Variants in KRTAP1-3 observed in about 807,000 individuals in gnomAD.
KRTAP1-3 encodes keratin-associated protein 1-3.
A neutral mutation model predicts 11.8 loss-of-function variants in KRTAP1-3; 10 were observed. The ratio of observed to expected loss-of-function variants is 0.85; its 90% CI spans 0.52 to 1.44. KRTAP1-3 has a LOEUF of 1.44. KRTAP1-3 is among the 40% of genes most tolerant of loss of function. The probability of loss-of-function intolerance (pLI) is 0.00; values close to 1 mark genes in which losing one functional copy is unlikely to be tolerated. For synonymous variants in KRTAP1-3, 74 were observed against 77.3 expected (o/e 0.96, Z 0.23); for missense variants, 176 against 217.2 (o/e 0.81, Z 1.19).
rs2012534995 is a variant in KRTAP1-3 at position 41,034,802 on chromosome 17, C to G, written c.20G>C (p.Ser7Thr). The G allele has an allele frequency of 1.9e-6, 3 of 1,613,924 alleles. No homozygotes were observed. The highest frequency in any genetic ancestry group is 2.2e-5 in the East Asian group (1 of 44,880). MTCCQTSFCGYPSCSTS... is the reference protein window; with the variant it reads MTCCQTTFCGYPSCSTS... ...GGAGCAGCTGGGATATCCACAGAAG[C>G]TGGTCTGGCAGCAGGTCATGGTGTT... is the stretch of plus-strand genomic sequence containing the variant. Residue 7 changes from serine (S) to threonine (T), a missense_variant, in exon 1 of 1, where the codon AGC becomes ACC. By Grantham distance (58) the Ser-to-Thr change is moderately conservative. Coordinates refer to ENST00000344363, the MANE Select transcript of KRTAP1-3 (RefSeq NM_030966.2).
At position 41,034,135 on chromosome 17, in the gene KRTAP1-3, A is replaced by C. The variant is rs530213374; in HGVS notation, c.*183T>G. 9.7e-6 allele frequency: 8 copies of C among 823,318 alleles called. No individual in the cohort carries two copies. In the South Asian group the frequency reaches 2.0e-4, roughly 21 times the overall value. The allele number at this position is 823,318 out of a possible 1,614,324, so 51.0% of individuals were successfully genotyped here. On this transcript the variant is annotated 3_prime_UTR_variant, in exon 1 of 1. Transcript: ENST00000344363. ...TTTTGGCGTCCTCAGAGAGAAGAGTAAGGTCTTTCTGGAATTGAAAGGAAT... is the reference window on the plus strand; with the variant it reads ...TTTTGGCGTCCTCAGAGAGAAGAGTCAGGTCTTTCTGGAATTGAAAGGAAT...
Position 41,034,042 on chromosome 17 carries a change from G to A in KRTAP1-3, c.*276C>T. ...GTCGGCGCTGAGACTCAGAGCGTGG[G>A]CTTCAATGCTTGCAAAGGCTCAGTT... On this transcript the variant is annotated 3_prime_UTR_variant, in exon 1 of 1. Transcript: ENST00000344363. 2.1e-6 allele frequency: 1 copy of A among 478,520 alleles called. No individual in the cohort carries two copies. Among genetic ancestry groups the A allele is most frequent in the Non-Finnish European group, 3.6e-6 (1 of 278,288 alleles). The allele number at this position is 478,520 out of a possible 1,614,324, so 29.6% of individuals were successfully genotyped here. A position where few individuals can be genotyped will look rare whatever the true frequency, so the allele number is the denominator to read the frequency against.
chr17:41,034,624 A>G lies in KRTAP1-3; in HGVS notation c.198T>C (p.Cys66=), dbSNP rs2012526136. The G allele has an allele frequency of 6.2e-7, 1 of 1,613,400 alleles. No homozygotes were observed. The highest frequency in any genetic ancestry group is 8.5e-7 in the Non-Finnish European group (1 of 1,179,872). Residue 66 remains cysteine, a synonymous_variant, in exon 1 of 1, where the codon TGT becomes TGC. Transcript: ENST00000344363. ...AGCTTGGCTGGCAGCAGCTGGTCTCACAGCAGCTTGGCTGGCAGCAACTGG... is the reference window on the plus strand; with the variant it reads ...AGCTTGGCTGGCAGCAGCTGGTCTCGCAGCAGCTTGGCTGGCAGCAACTGG... ...CSSSCCQPSC[C]ETSCCQPSCC...
rs140828985 is a variant in KRTAP1-3 at position 41,034,687 on chromosome 17, G to T, written c.135C>A (p.Cys45Ter). Residue 45 changes from cysteine to a stop codon, truncating the protein, a stop_gained, in exon 1 of 1, where the codon TGC (cysteine) becomes TGA (stop). Transcript: ENST00000344363. LOFTEE classifies it high-confidence loss of function. ...CQPSCCQTSFCGFPSFSTSGT... is the reference protein window; with the variant it reads ...CQPSCCQTSF Reference sequence around the variant, plus strand: ...CACTAGTTGAGAAGCTAGGAAATCCGCAGAAGCTGGTCTGGCAGCAGCTTG... The same window carrying T: ...CACTAGTTGAGAAGCTAGGAAATCCTCAGAAGCTGGTCTGGCAGCAGCTTG... The T allele has an allele frequency of 6.7e-7, 1 of 1,482,472 alleles. No individual in the cohort carries two copies. Among genetic ancestry groups the T allele is most frequent in the Admixed American group, 1.9e-5 (1 of 52,160 alleles). 91.8% of individuals were successfully genotyped at this position (1,482,472 alleles called of 1,614,324 possible).
Position 41,034,136 on chromosome 17 carries a change from A to C in KRTAP1-3, c.*182T>G, listed in dbSNP as rs1171752669. The C allele has an allele frequency of 1.8e-5, 15 of 829,162 alleles. No homozygotes were observed. Among genetic ancestry groups the C allele is most frequent in the Non-Finnish European group, 2.5e-5 (14 of 558,296 alleles). 51.4% of individuals were successfully genotyped at this position (829,162 alleles called of 1,614,324 possible). ...TTTGGCGTCCTCAGAGAGAAGAGTA[A>C]GGTCTTTCTGGAATTGAAAGGAATC... On this transcript the variant is annotated 3_prime_UTR_variant, in exon 1 of 1. Coordinates refer to ENST00000344363, the MANE Select transcript of KRTAP1-3 (RefSeq NM_030966.2).
At position 41,034,325 on chromosome 17, in the gene KRTAP1-3, G is replaced by A. The variant is rs2012512828; in HGVS notation, c.497C>T (p.Thr166Ile). The A allele has an allele frequency of 3.2e-6, 5 of 1,555,758 alleles. No individual in the cohort carries two copies. The highest frequency in any genetic ancestry group is 3.5e-4 in the Middle Eastern group (2 of 5,768). Residue 166 changes from threonine to isoleucine, a missense_variant, in exon 1 of 1, where the codon ACC becomes ATC. Transcript: ENST00000344363. ...PVCCCYSCEP[T>I]C ...AAATCAGCAAACTGGCTTTTAGCAG[G>A]TGGGCTCACAGGAGTAGCAGCAGCA...
In KRTAP1-3 at chr17:41,034,752, A is replaced by G. The variant is rs1406750824; in HGVS notation, c.70T>C (p.Cys24Arg). Reference sequence around the variant, plus strand: ...GTCTCACAGCAGCTTGGCTGGCAGCAGCTGGAGCCGCATGTCCCACTGGTG... The same window carrying G: ...GTCTCACAGCAGCTTGGCTGGCAGCGGCTGGAGCCGCATGTCCCACTGGTG... ...CSTSGTCGSS[C>R]CQPSCCETSC... Residue 24 changes from cysteine (C) to arginine (R), a missense_variant, in exon 1 of 1, where the codon TGC becomes CGC. Coordinates refer to ENST00000344363, the MANE Select transcript of KRTAP1-3 (RefSeq NM_030966.2). The G allele has an allele frequency of 4.3e-6, 7 of 1,609,952 alleles. No homozygotes were observed. Among genetic ancestry groups the G allele is most frequent in the Non-Finnish European group, 5.9e-6 (7 of 1,178,152 alleles).
Position 41,034,493 on chromosome 17 carries a change from C to G in KRTAP1-3, c.329G>C (p.Arg110Pro), listed in dbSNP as rs201127461. The part of the protein sequence containing the change: ...GAVSTRIRWC[R>P]PDCRVEGTCL... Reference sequence around the variant, plus strand: ...GGTACCCTCCACACGGCAGTCTGGGCGGCACCACCTGATACGGGTGCTCAC... The same window carrying G: ...GGTACCCTCCACACGGCAGTCTGGGGGGCACCACCTGATACGGGTGCTCAC... The change falls in exon 1 of 1, where the codon CGC becomes CCC. Residue 110 changes from arginine (R) to proline (P), a missense_variant. Arg to Pro is a moderately radical substitution (Grantham distance 103). Transcript: ENST00000344363. The G allele has an allele frequency of 2.5e-6, 4 of 1,613,178 alleles. No individual in the cohort carries two copies. Among genetic ancestry groups the G allele is most frequent in the Non-Finnish European group, 3.4e-6 (4 of 1,179,974 alleles).
chr17:41,034,330 C>T lies in KRTAP1-3; in HGVS notation c.492G>A (p.Glu164=), dbSNP rs1408075775. 4 of 1,572,980 alleles carry T rather than the reference C, an allele frequency of 2.5e-6. No individual in the cohort carries two copies. Among genetic ancestry groups the T allele is most frequent in the Non-Finnish European group, 3.5e-6 (4 of 1,156,370 alleles). The part of the protein sequence containing the change: ...CRPVCCCYSC[E]PTC ...AGCAAACTGGCTTTTAGCAGGTGGG[C>T]TCACAGGAGTAGCAGCAGCAGACTG... The change falls in exon 1 of 1, where the codon GAG becomes GAA. Residue 164 remains glutamate (E), a synonymous_variant. Coordinates refer to ENST00000344363, the MANE Select transcript of KRTAP1-3 (RefSeq NM_030966.2).
rs1274608406 is a variant in KRTAP1-3 at position 41,034,062 on chromosome 17, TCA to T, written c.*254_*255del. The T allele has an allele frequency of 2.1e-5, 11 of 530,168 alleles. No individual in the cohort carries two copies. Among genetic ancestry groups the T allele is most frequent in the Admixed American group, 3.7e-5 (1 of 26,882 alleles). The allele number at this position is 530,168 out of a possible 1,614,324, so 32.8% of individuals were successfully genotyped here. A position where few individuals can be genotyped will look rare whatever the true frequency, so the allele number is the denominator to read the frequency against. ...CGTGGGCTTCAATGCTTGCAAAGGC[TCA>T]GTTTCAAGGTAAATCGGCTTTTTCA... On this transcript the variant is annotated 3_prime_UTR_variant, in exon 1 of 1. Coordinates refer to ENST00000344363, the MANE Select transcript of KRTAP1-3 (RefSeq NM_030966.2).
Position 41,034,004 on chromosome 17 carries a change from C to A in KRTAP1-3, c.*314G>T. The A allele has an allele frequency of 2.7e-6, 1 of 367,676 alleles. No individual in the cohort carries two copies. The highest frequency in any genetic ancestry group is 4.8e-6 in the Non-Finnish European group (1 of 206,514). The allele number at this position is 367,676 out of a possible 1,614,324, so 22.8% of individuals were successfully genotyped here. On this transcript the variant is annotated 3_prime_UTR_variant, in exon 1 of 1. Transcript: ENST00000344363. ...AGTGTCCTGAGAAGGACAGATGGCT[C>A]TTCCATGGTCTCGTCGGCGCTGAGA... is the stretch of plus-strand genomic sequence containing the variant.
chr17:41,034,462 C>A lies in KRTAP1-3; in HGVS notation c.360G>T (p.Leu120=), dbSNP rs763809441. ...RPDCRVEGTC[L]PPCCVVSCTP... is the part of the protein sequence containing the mutation. The stretch of plus-strand genomic sequence containing the variant: ...TGCAGCTCACCACACAGCAGGGGGG[C>A]AGGCAGGTACCCTCCACACGGCAGT... The change falls in exon 1 of 1, where the codon CTG becomes CTT. Residue 120 remains leucine, a synonymous_variant. Transcript: ENST00000344363. 1.2e-6 allele frequency: 2 copies of A among 1,613,642 alleles called. No homozygotes were observed. Among genetic ancestry groups the A allele is most frequent in the Non-Finnish European group, 1.7e-6 (2 of 1,180,008 alleles).
Position 41,034,352 on chromosome 17 carries a change from A to T in KRTAP1-3, c.470T>A (p.Val157Asp), listed in dbSNP as rs762134724. 2 of 1,587,138 alleles carry T rather than the reference A, an allele frequency of 1.3e-6. No individual in the cohort carries two copies. The highest frequency in any genetic ancestry group is 1.7e-6 in the Non-Finnish European group (2 of 1,163,730). ...SYCGQSCCRP[V>D]CCCYSCEPTC ...GGGCTCACAGGAGTAGCAGCAGCAG[A>T]CTGGGCGGCAGCAGGACTGTCCACA... Residue 157 changes from valine (V) to aspartate (D), a missense_variant, in exon 1 of 1, where the codon GTC (valine) becomes GAC (aspartate). By Grantham distance (152) the Val-to-Asp change is radical. Transcript: ENST00000344363.
rs2012525057 is a variant in KRTAP1-3, at chr17:41,034,600, G to C, written c.222C>G (p.Ser74Arg). The C allele has an allele frequency of 1.9e-6, 3 of 1,613,132 alleles. No homozygotes were observed. The highest frequency in any genetic ancestry group is 2.5e-6 in the Non-Finnish European group (3 of 1,179,796). The change falls in exon 1 of 1, where the codon AGC (serine) becomes AGG (arginine). Residue 74 changes from serine (S) to arginine (R), a missense_variant. Coordinates refer to ENST00000344363, the MANE Select transcript of KRTAP1-3 (RefSeq NM_030966.2). ...SCCETSCCQP[S>R]CCQTSSCGTG... ...TTCCGCAGGAGCTGGTCTGGCAGCAGCTTGGCTGGCAGCAGCTGGTCTCAC... is the reference window on the plus strand; with the variant it reads ...TTCCGCAGGAGCTGGTCTGGCAGCACCTTGGCTGGCAGCAGCTGGTCTCAC...
chr17:41,034,483 G>T lies in KRTAP1-3; in HGVS notation c.339C>A (p.Cys113Ter). 1 of 1,613,472 alleles carries T rather than the reference G, an allele frequency of 6.2e-7. No individual in the cohort carries two copies. Among genetic ancestry groups the T allele is most frequent in the Non-Finnish European group, 8.5e-7 (1 of 1,180,004 alleles). ...GGGGCAGGCAGGTACCCTCCACACGGCAGTCTGGGCGGCACCACCTGATAC... is the reference window on the plus strand; with the variant it reads ...GGGGCAGGCAGGTACCCTCCACACGTCAGTCTGGGCGGCACCACCTGATAC... ...STRIRWCRPD[C>*]RVEGTCLPPC... is the part of the protein sequence containing the mutation. Residue 113 changes from cysteine to a stop codon, truncating the protein, a stop_gained, in exon 1 of 1, where the codon TGC becomes TGA. Coordinates refer to ENST00000344363, the MANE Select transcript of KRTAP1-3 (RefSeq NM_030966.2). LOFTEE classifies it high-confidence loss of function.
chr17:41,034,163 G>T lies in KRTAP1-3; in HGVS notation c.*155C>A, dbSNP rs1193657214. The T allele has an allele frequency of 1.6e-5, 16 of 1,025,832 alleles. No homozygotes were observed. The highest frequency in any genetic ancestry group is 2.1e-5 in the Non-Finnish European group (15 of 724,950). The allele number at this position is 1,025,832 out of a possible 1,614,324, so 63.5% of individuals were successfully genotyped here. On this transcript the variant is annotated 3_prime_UTR_variant, in exon 1 of 1. Coordinates refer to ENST00000344363, the MANE Select transcript of KRTAP1-3 (RefSeq NM_030966.2). ...GTCTTTCTGGAATTGAAAGGAATCA[G>T]ATAATTCTGAGGCCAAAATATTTGG...
chr17:41,034,478 A>C lies in KRTAP1-3; in HGVS notation c.344T>G (p.Val115Gly). ...RIRWCRPDCR[V>G]EGTCLPPCCV... is the part of the protein sequence containing the mutation. ...GCAGGGGGGCAGGCAGGTACCCTCC[A>C]CACGGCAGTCTGGGCGGCACCACCT... The change falls in exon 1 of 1, where the codon GTG becomes GGG. Residue 115 changes from valine (V) to glycine (G), a missense_variant. Val to Gly is a moderately radical substitution (Grantham distance 109). Coordinates refer to ENST00000344363, the MANE Select transcript of KRTAP1-3 (RefSeq NM_030966.2). 2 of 1,613,616 alleles carry C rather than the reference A, an allele frequency of 1.2e-6. No homozygotes were observed. Among genetic ancestry groups the C allele is most frequent in the East Asian group, 2.2e-5 (1 of 44,874 alleles).
Position 41,034,513 on chromosome 17 carries a change from G to A in KRTAP1-3, c.309C>T (p.Ser103=). 6.2e-7 allele frequency: 1 copy of A among 1,612,878 alleles called. No homozygotes were observed. Among genetic ancestry groups the A allele is most frequent in the Non-Finnish European group, 8.5e-7 (1 of 1,179,928 alleles). Reference sequence around the variant, plus strand: ...CTGGGCGGCACCACCTGATACGGGTGCTCACAGCTCCACTGCTGCCCTCCT... The same window carrying A: ...CTGGGCGGCACCACCTGATACGGGTACTCACAGCTCCACTGCTGCCCTCCT... The part of the protein sequence containing the change: ...YGQEGSSGAV[S]TRIRWCRPDC... Residue 103 remains serine, a synonymous_variant, in exon 1 of 1, where the codon AGC becomes AGT. Coordinates refer to ENST00000344363, the MANE Select transcript of KRTAP1-3 (RefSeq NM_030966.2).
In KRTAP1-3 at chr17:41,034,419, G is replaced by A; in HGVS notation, c.403C>T (p.Gln135Ter). The A allele has an allele frequency of 3.1e-6, 5 of 1,613,750 alleles. No homozygotes were observed. Among genetic ancestry groups the A allele is most frequent in the Non-Finnish European group, 4.2e-6 (5 of 1,179,908 alleles). ...VVSCTPPTCCQLHHAEASCCR... is the reference protein window; with the variant it reads ...VVSCTPPTCC Reference sequence around the variant, plus strand: ...CAGGAGGCCTCGGCGTGGTGCAGCTGGCAGCAGGTTGGGGGTGTGCAGCTC... The same window carrying A: ...CAGGAGGCCTCGGCGTGGTGCAGCTAGCAGCAGGTTGGGGGTGTGCAGCTC... The change falls in exon 1 of 1, where the codon CAG becomes TAG. Residue 135 changes from glutamine (Q) to a stop codon, truncating the protein, a stop_gained. Coordinates refer to ENST00000344363, the MANE Select transcript of KRTAP1-3 (RefSeq NM_030966.2). LOFTEE classifies it high-confidence loss of function.
Sources: gnomAD v4.1 joint callset for allele counts on GRCh38, gnomAD v4.1.1 for gene constraint, MANE v1.5 for transcripts, NCBI Gene and HGNC (gene_info 2026-07-23, HGNC 2026-07-21) for gene names.